ERC1: variants seen among roughly 807,000 people sequenced by gnomAD.
ERC1 encodes the protein ELKS/RAB6-interacting/CAST family member 1.
In ERC1, 56 loss-of-function variants were observed where a neutral mutation model predicts 132.0. The ratio of observed to expected loss-of-function variants is 0.42; its 90% CI spans 0.34 to 0.53. The LOEUF is 0.53. Among genes scored for constraint, ERC1 ranks in the 20% least tolerant of loss-of-function variants. The pLI is 0.03. For synonymous variants in ERC1, 478 were observed against 476.1 expected (o/e 1.00, Z -0.05); for missense variants, 1,202 against 1,349.9 (o/e 0.89, Z 1.72).
At chr12:1,109,918 T>C (rs1158836120) in intron 4 of ERC1, among the ~76,000 whole-genome samples, 1 of 152,144 alleles carries the variant, frequency 6.6e-6, no homozygotes, top group Non-Finnish European at 1.5e-5. Flanking sequence ...CATGGTAGCG[T>C]ACACTTGTAA....
chr12:1,317,381 A>G (rs1028979115), intron 15 of ERC1, among the ~76,000 whole-genome samples: 1 of 151,442 alleles, frequency 6.6e-6, no homozygotes, highest in Non-Finnish European at 1.5e-5. Flanking sequence ...AGGGAGGGGA[A>G]CATCACACAC....
intron 4 of ERC1, among the ~76,000 whole-genome samples, chr12:1,105,418 C>T (rs954859705): frequency 5.3e-5 from 8 of 151,968 alleles, no homozygotes; most frequent in African/African-American, 1.9e-4. Context: ...AGTGCAGTGG[C>T]GTGATCTTGG....
intron 2 of ERC1, among the ~76,000 whole-genome samples, chr12:1,049,504 A>G (rs1971572633): frequency 6.6e-6 from 1 of 152,196 alleles, no homozygotes. Flanking sequence ...GATTTAAAAA[A>G]TCTCCCCAGG....
At chr12:1,271,693 G>A (rs574770068) in intron 14 of ERC1, among the ~76,000 whole-genome samples, 3 of 152,244 alleles carry the variant, frequency 2.0e-5, no homozygotes, top group Non-Finnish European at 2.9e-5. Context: ...CACTGTATGC[G>A]TGCACAATTT....
chr12:1,386,590 G>C (rs1454558846), intron 16 of ERC1: 1 of 134,680 alleles, frequency 7.4e-6, no homozygotes, highest in Non-Finnish European at 1.5e-5. Context: ...AGAGGTTGCA[G>C]TGAGCCAAGA....
Position 1,110,221 on chromosome 12 carries a change from G to A in ERC1, c.1191G>A (p.Gly397=), listed in dbSNP as rs1227700191. 1.9e-6 allele frequency: 3 copies of A among 1,613,140 alleles called. No individual in the cohort carries two copies. In the Admixed American group the frequency reaches 5.0e-5, roughly 27 times the overall value. The change falls in exon 5 of 19, where the codon GGG becomes GGA. Residue 397 remains glycine (G), a synonymous_variant. Coordinates refer to ENST00000360905, the MANE Select transcript of ERC1 (RefSeq NM_178040.4). ...KDSKISSMER[G]LRDLEEEIQM... Reference sequence around the variant, plus strand: ...CAAAAATTTCCTCTATGGAGCGTGGGCTTCGAGACCTGGAAGAGGAAATTC... The same window carrying A: ...CAAAAATTTCCTCTATGGAGCGTGGACTTCGAGACCTGGAAGAGGAAATTC...
At chr12:1,410,470 C>A in intron 17 of ERC1, 2 of 1,243,910 alleles carry the variant, frequency 1.6e-6, no homozygotes, top group Non-Finnish European at 2.1e-6. Context: ...AACAGCTTTC[C>A]TTAACTATAG....
chr12:1,235,787 C>T (rs978438703), intron 12 of ERC1, among the ~76,000 whole-genome samples: 8 of 152,186 alleles, frequency 5.3e-5, no homozygotes, highest in East Asian at 1.9e-4. Context: ...TAAGGTGTAC[C>T]TACTGTATTT....
intron 18 of ERC1, among the ~76,000 whole-genome samples, chr12:1,450,695 A>G (rs2093407517): frequency 6.6e-6 from 1 of 152,122 alleles, no homozygotes; most frequent in African/African-American, 2.4e-5. Context: ...AGTTAACCCT[A>G]TTTTCAATTT....
chr12:1,021,080 C>T (rs1475675193), intron 1 of ERC1, among the ~76,000 whole-genome samples: 1 of 152,104 alleles, frequency 6.6e-6, no homozygotes, highest in Non-Finnish European at 1.5e-5. Context: ...GCTGGGATTA[C>T]AGGCACATGG....
intron 17 of ERC1, among the ~76,000 whole-genome samples, chr12:1,408,482 G>C (rs2091648654): frequency 6.6e-6 from 1 of 152,174 alleles, no homozygotes; most frequent in Non-Finnish European, 1.5e-5. Flanking sequence ...AAGAATGCTT[G>C]AATTGGGTTG....
intron 18 of ERC1, among the ~76,000 whole-genome samples, chr12:1,486,769 ACTC>A (rs1309209561): frequency 6.6e-6 from 1 of 151,888 alleles, no homozygotes; most frequent in East Asian, 1.9e-4. Flanking sequence ...ATTGCGGAAA[ACTC>A]CTGAAAAAAA....
In ERC1 at chr12:1,491,742, A is replaced by G. The variant is rs2094320644; in HGVS notation, c.*1512A>G. The G allele has an allele frequency of 4.3e-6, 1 of 231,560 alleles. No homozygotes were observed. Among genetic ancestry groups the G allele is most frequent in the Non-Finnish European group, 8.5e-6 (1 of 117,014 alleles). 14.3% of individuals were successfully genotyped at this position (231,560 alleles called of 1,614,324 possible). On this transcript the variant is annotated 3_prime_UTR_variant, in exon 19 of 19. Transcript: ENST00000360905. ...TGCATGTACCTCGTGGAATTCAGCC[A>G]GCTTCATGTTGCAAATCAGAAAGCT...
At chr12:1,146,315 T>TTTGTTGTTG (rs1229565672) in intron 8 of ERC1, among the ~76,000 whole-genome samples, 5 of 138,650 alleles carry the variant, frequency 3.6e-5, no homozygotes, top group African/African-American at 1.2e-4. Flanking sequence ...CTGGTTTTTT[T>TTTGTTGTTG]TTTTTTTTTT....
chr12:1,414,197 G>A (rs1218369699), intron 17 of ERC1, among the ~76,000 whole-genome samples: 1 of 152,200 alleles, frequency 6.6e-6, no homozygotes, highest in East Asian at 1.9e-4. Context: ...GGGCCCTGGG[G>A]TTGGAGACCC....
intron 15 of ERC1, among the ~76,000 whole-genome samples, chr12:1,366,107 T>C (rs1384963238): frequency 1.3e-5 from 2 of 152,188 alleles, no homozygotes; most frequent in Non-Finnish European, 1.5e-5. Context: ...TTCACCTTTG[T>C]AAGATGAAGA....
intron 2 of ERC1, among the ~76,000 whole-genome samples, chr12:1,071,814 T>A (rs1156497846): frequency 2.0e-5 from 3 of 152,144 alleles, no homozygotes; most frequent in Non-Finnish European, 4.4e-5. Flanking sequence ...AAGTATAAAG[T>A]CTGAGGCTGG....
chr12:998,331 A>C, intron 1 of ERC1: 1 of 152,212 alleles, frequency 6.6e-6, no homozygotes, highest in East Asian at 1.9e-4. Context: ...CAGATTTTGT[A>C]GATCAGGAAT....
intron 15 of ERC1, among the ~76,000 whole-genome samples, chr12:1,318,917 A>G (rs2081944869): frequency 6.6e-6 from 1 of 152,146 alleles, no homozygotes; most frequent in South Asian, 2.1e-4. Flanking sequence ...GCTCCAAGCA[A>G]CAGTCTCTCC....
Sources: allele counts gnomAD v4.1 joint callset (sites outside exome capture counted in the v4.1 genomes callset), GRCh38; gene constraint gnomAD v4.1.1; transcripts MANE v1.5; gene names NCBI Gene and HGNC (gene_info 2026-07-23, HGNC 2026-07-21).